The following DOCK8 variants were observed in gnomAD, a reference collection of about 807,000 sequenced individuals.
DOCK8 encodes the protein dedicator of cytokinesis 8.
A neutral mutation model predicts 245.6 loss-of-function variants in DOCK8; 141 were observed. The observed-to-expected ratio is 0.57, with a 90% CI of 0.50 to 0.66. The LOEUF (loss-of-function observed/expected upper bound fraction) is 0.66, where lower values mean the gene tolerates loss of function less well. Among genes scored for constraint, DOCK8 ranks in the 30% least tolerant of loss-of-function variants. DOCK8 has a pLI of 0.00. For missense variants in DOCK8, 2,965 were observed against 2,603.4 expected, an observed-to-expected ratio of 1.14 and a Z score of -3.02; for synonymous variants, 1,168 against 970.2, an observed-to-expected ratio of 1.20 and a Z score of -3.79.
At position 463,610 on chromosome 9, in the gene DOCK8, A is replaced by G. The variant is rs1317211558; in HGVS notation, c.6162A>G (p.Lys2054=). ...QELKKNYNKL[K]ENLRPMIERK... The stretch of plus-strand genomic sequence containing the variant: ...TCAAAAAGAACTATAACAAGCTAAA[A>G]GAGAACCTCAGGCCAATGATCGAGC... Residue 2054 remains lysine, a synonymous_variant, in exon 47 of 48, where the codon AAA becomes AAG. Transcript: ENST00000432829. 6.2e-7 allele frequency: 1 copy of G among 1,614,070 alleles called. No individual in the cohort carries two copies.
At chr9:295,322 CCCT>C (rs2130448765) in intron 4 of DOCK8, among the ~76,000 whole-genome samples, 1 of 152,174 alleles carries the variant, frequency 6.6e-6, no homozygotes, top group Admixed American at 6.5e-5. Flanking sequence ...CACGGGAGTG[CCCT>C]TTGCGTGGTG....
chr9:334,197 C>G, intron 10 of DOCK8, 28 bp from the exon 11 acceptor site: 1 of 1,613,904 alleles, frequency 6.2e-7, no homozygotes, highest in Non-Finnish European at 8.5e-7. Flanking sequence ...ATGCTTGTTT[C>G]AGCTTGTTTC....
intron 2 of DOCK8, among the ~76,000 whole-genome samples, chr9:275,693 A>G (rs1368148105): frequency 6.6e-6 from 1 of 151,652 alleles, no homozygotes; most frequent in African/African-American, 2.4e-5. Flanking sequence ...GGTCCAAGCT[A>G]TTCTCCTGCC....
At chr9:285,257 T>C (rs2048770039) in intron 2 of DOCK8, among the ~76,000 whole-genome samples, 1 of 152,156 alleles carries the variant, frequency 6.6e-6, no homozygotes, top group Non-Finnish European at 1.5e-5. Flanking sequence ...TCTTATTTCC[T>C]CTTGCCTCTT....
chr9:235,879 G>A (rs984530184), intron 1 of DOCK8, among the ~76,000 whole-genome samples: 10 of 152,086 alleles, frequency 6.6e-5, no homozygotes, highest in Non-Finnish European at 1.3e-4. Context: ...GCCCTGCTTC[G>A]GCTCACGCAT....
intron 46 of DOCK8, chr9:456,090 G>T (rs909469125): frequency 3.9e-5 from 6 of 152,236 alleles, no homozygotes; most frequent in African/African-American, 1.4e-4. Flanking sequence ...ATTCTACAGA[G>T]ATCAGAAGTC....
chr9:239,518 A>G (rs560264402), intron 1 of DOCK8, among the ~76,000 whole-genome samples: 1 of 152,342 alleles, frequency 6.6e-6, no homozygotes, highest in Admixed American at 6.5e-5. Context: ...CAGAACCATG[A>G]AGGAGAAGAA....
chr9:262,713 T>C (rs2047946641), intron 1 of DOCK8, among the ~76,000 whole-genome samples: 2 of 152,046 alleles, frequency 1.3e-5, no homozygotes, highest in African/African-American at 2.4e-5. Context: ...AACTTTTTTA[T>C]TGTAGTAATG....
intron 25 of DOCK8, among the ~76,000 whole-genome samples, chr9:398,103 T>G (rs974658429): frequency 6.6e-6 from 1 of 152,176 alleles, no homozygotes. Context: ...ATGGCAAACT[T>G]TGTTGGAACA....
At chr9:397,429 C>T (rs957466877) in intron 25 of DOCK8, among the ~76,000 whole-genome samples, 1 of 151,558 alleles carries the variant, frequency 6.6e-6, no homozygotes, top group African/African-American at 2.4e-5. Context: ...TGGCTCACAC[C>T]TGTAATCCCA....
At chr9:290,574 G>C (rs1030251425) in intron 4 of DOCK8, among the ~76,000 whole-genome samples, 1 of 152,172 alleles carries the variant, frequency 6.6e-6, no homozygotes, top group African/African-American at 2.4e-5. Flanking sequence ...CTGTGACATT[G>C]TTCTGAGCTT....
chr9:268,505 G>A (rs143613176), intron 1 of DOCK8, among the ~76,000 whole-genome samples: 177 of 152,276 alleles, frequency 1.2e-3, no homozygotes, highest in African/African-American at 3.8e-3. Context: ...CAAAATGAAA[G>A]CAAGACCCTA....
intron 1 of DOCK8, among the ~76,000 whole-genome samples, chr9:237,262 C>T (rs1225570970): frequency 1.3e-5 from 2 of 152,244 alleles, no homozygotes; most frequent in Admixed American, 6.5e-5. Flanking sequence ...ACAGCTGAAG[C>T]ACCTGAGATC....
At chr9:362,984 C>T (rs913083134) in intron 14 of DOCK8, among the ~76,000 whole-genome samples, 1 of 152,152 alleles carries the variant, frequency 6.6e-6, no homozygotes, top group Non-Finnish European at 1.5e-5. Flanking sequence ...CTAAAAGTGA[C>T]CAGACTCCAC....
Position 432,561 on chromosome 9 carries a change from A to G in DOCK8, c.4785+237A>G, listed in dbSNP as rs7042851. On this transcript the variant is annotated intron_variant, in intron 37 of 47. Coordinates refer to ENST00000432829, the MANE Select transcript of DOCK8 (RefSeq NM_203447.4). The stretch of plus-strand genomic sequence containing the variant: ...ATTTGGAGTGCTCAGTCTCAAAACA[A>G]TTAGGAGGCAGTACAAGACAAGTGA... 0.7 allele frequency among the ~76,000 whole-genome samples: 105,714 copies of G among 151,964 alleles called. 38,156 individuals are homozygous for G. The highest frequency in any genetic ancestry group is 0.98 in the East Asian group (5,081 of 5,178).
At chr9:441,598 G>A (rs1208375888) in intron 41 of DOCK8, among the ~76,000 whole-genome samples, 181 bp downstream of exon 41, 1 of 152,196 alleles carries the variant, frequency 6.6e-6, no homozygotes, top group East Asian at 1.9e-4. Flanking sequence ...TTCCATATGT[G>A]AAAACATACA....
intron 46 of DOCK8, among the ~76,000 whole-genome samples, chr9:455,433 C>T (rs138876281): frequency 4.7e-4 from 72 of 152,248 alleles, no homozygotes; most frequent in Non-Finnish European, 8.2e-4. Flanking sequence ...AGCTTGAGCC[C>T]GAGGAGGTCA....
In DOCK8 at chr9:404,922, C is replaced by T. The variant is rs1179318807; in HGVS notation, c.3239C>T (p.Ser1080Leu). The T allele has an allele frequency of 1.7e-5, 27 of 1,613,936 alleles. No homozygotes were observed. In the Admixed American group the frequency reaches 4.5e-4, roughly 27 times the overall value. Reference sequence around the variant, plus strand: ...TCTTTTCATTTTTCTTCCCAGCTGTCAGCCAAGCTCAGTAACCTTCCAACG... The same window carrying T: ...TCTTTTCATTTTTCTTCCCAGCTGTTAGCCAAGCTCAGTAACCTTCCAACG... ...NLIRHYCSQL[S>L]AKLSNLPTLI... Residue 1080 changes from serine (S) to leucine (L), a missense_variant, in exon 27 of 48, where the codon TCA becomes TTA. This residue lies in a region of DOCK8 where 2,825 missense variants were observed against 2,453.5 expected (regional missense o/e 1.15). Transcript: ENST00000432829.
At chr9:377,917 C>G (rs1433913716) in intron 20 of DOCK8, among the ~76,000 whole-genome samples, 3 of 152,190 alleles carry the variant, frequency 2.0e-5, no homozygotes, top group African/African-American at 7.2e-5. Flanking sequence ...AGTGGTTCTC[C>G]TAACTCTTCC....
Sources: gnomAD v4.1 joint callset for allele counts (sites outside exome capture counted in the v4.1 genomes callset) on GRCh38, gnomAD v4.1.1 for gene constraint, gnomAD v4.1.1 regional missense constraint, MANE v1.5 for transcripts, NCBI Gene and HGNC (gene_info 2026-07-23, HGNC 2026-07-21) for gene names.